Variants in ADCY5 observed in about 807,000 individuals in gnomAD.
ADCY5 encodes the protein adenylate cyclase type 5.
Under a neutral mutation model 119.7 loss-of-function variants are expected in ADCY5, and 30 were observed. That is an observed-to-expected ratio of 0.25 (90% confidence interval 0.19 to 0.34). The LOEUF is 0.34. ADCY5 is among the 10% of genes least tolerant of loss of function. ADCY5 has a pLI of 1.00. For synonymous variants in ADCY5, 753 were observed against 762.2 expected (o/e 0.99, Z 0.20); for missense variants, 1,324 against 1,775.2 (o/e 0.75, Z 4.57).
At chr3:123,328,614 G>T (rs1437191453) in intron 6 of ADCY5, 30 bp downstream of exon 6, 5 of 1,610,650 alleles carry the variant, frequency 3.1e-6, no homozygotes, top group Non-Finnish European at 4.2e-6. Context: ...CCCAGGTCGG[G>T]GCCCCAAGCC....
At chr3:123,442,860 G>A (rs1281915494) in intron 1 of ADCY5, among the ~76,000 whole-genome samples, 5 of 152,052 alleles carry the variant, frequency 3.3e-5, no homozygotes, top group Non-Finnish European at 5.9e-5. Context: ...AAATATAATC[G>A]GCAAATACAG....
chr3:123,326,807 G>A (rs1941513152), intron 7 of ADCY5, among the ~76,000 whole-genome samples: 1 of 151,698 alleles, frequency 6.6e-6, no homozygotes, highest in Non-Finnish European at 1.5e-5. Flanking sequence ...GTCCCTCTTG[G>A]CACGGGCACC....
At chr3:123,325,484 G>A (rs374376514) in intron 7 of ADCY5, 22 bp from the exon 8 acceptor site, 2 of 1,610,522 alleles carry the variant, frequency 1.2e-6, no homozygotes, top group African/African-American at 2.8e-5. Context: ...ACACAGAGAT[G>A]GGGGGAGATG....
Position 123,300,205 on chromosome 3 carries a change from T to C in ADCY5, c.2815A>G (p.Ile939Val), listed in dbSNP as rs1939763365. ...ACGATGAGCACGTAGATGAGCTCGA[T>C]GGCCAGCATGAGCACCAGCTTCCCG... ...CIGKLVLMLA[I>V]ELIYVLIVEV... Residue 939 changes from isoleucine to valine, a missense_variant, in exon 15 of 21, where the codon ATC becomes GTC. Ile to Val is a conservative substitution (Grantham distance 29, BLOSUM62 3). Transcript: ENST00000462833. 6.2e-7 allele frequency: 1 copy of C among 1,613,838 alleles called. No individual in the cohort carries two copies.
chr3:123,401,043 C>A (rs1944735900), intron 1 of ADCY5, among the ~76,000 whole-genome samples: 1 of 38,516 alleles, frequency 2.6e-5, no homozygotes, highest in African/African-American at 7.6e-5. Context: ...ACACTGCACT[C>A]CTGTGGGGAC....
At chr3:123,382,216 T>C (rs1944056059) in intron 1 of ADCY5, among the ~76,000 whole-genome samples, 1 of 152,190 alleles carries the variant, frequency 6.6e-6, no homozygotes, top group African/African-American at 2.4e-5. Context: ...AAAAGTCCTC[T>C]AACATCATCT....
At chr3:123,355,389 C>T (rs543928357) in intron 1 of ADCY5, among the ~76,000 whole-genome samples, 4 of 152,280 alleles carry the variant, frequency 2.6e-5, no homozygotes, top group African/African-American at 9.6e-5. Context: ...GTTCAACCAA[C>T]CTTGGATCAA....
chr3:123,285,849 C>T (rs1289018022), intron 20 of ADCY5, among the ~76,000 whole-genome samples: 1 of 152,270 alleles, frequency 6.6e-6, no homozygotes, highest in African/African-American at 2.4e-5. Flanking sequence ...CCAGCATCCA[C>T]ACCTCAGCCA....
chr3:123,396,271 GAA>G (rs1219134200), intron 1 of ADCY5, among the ~76,000 whole-genome samples: 3 of 143,414 alleles, frequency 2.1e-5, no homozygotes, highest in African/African-American at 7.7e-5. Context: ...AGGAAGGAGA[GAA>G]AGAGAGAGAG....
intron 12 of ADCY5, among the ~76,000 whole-genome samples, chr3:123,309,498 T>C (rs1940424969): frequency 6.6e-6 from 1 of 152,148 alleles, no homozygotes; most frequent in Non-Finnish European, 1.5e-5. Context: ...AACCACTTCC[T>C]AACTCCAGGA....
At chr3:123,384,926 T>C (rs1217806402) in intron 1 of ADCY5, among the ~76,000 whole-genome samples, 2 of 152,198 alleles carry the variant, frequency 1.3e-5, no homozygotes, top group East Asian at 3.9e-4. Context: ...GGACCAGCCC[T>C]TCAGTCTCCT....
At chr3:123,391,749 C>G (rs1944406469) in intron 1 of ADCY5, among the ~76,000 whole-genome samples, 1 of 152,226 alleles carries the variant, frequency 6.6e-6, no homozygotes. Flanking sequence ...GTCTAACCTC[C>G]ACTTGCACAA....
chr3:123,422,110 C>T (rs1430686398), intron 1 of ADCY5, among the ~76,000 whole-genome samples: 1 of 152,226 alleles, frequency 6.6e-6, no homozygotes, highest in African/African-American at 2.4e-5. Flanking sequence ...TGTGCAGGCA[C>T]TGGGACTGTC....
chr3:123,407,326 G>A (rs1315537286), intron 1 of ADCY5, among the ~76,000 whole-genome samples: 3 of 152,130 alleles, frequency 2.0e-5, no homozygotes, highest in Non-Finnish European at 4.4e-5. Flanking sequence ...GTAGCACTTG[G>A]ATTTCTCTGG....
chr3:123,315,381 G>C (rs1459852718), intron 11 of ADCY5, among the ~76,000 whole-genome samples: 1 of 152,172 alleles, frequency 6.6e-6, no homozygotes, highest in Non-Finnish European at 1.5e-5. Context: ...GAGAGGAGGT[G>C]GCTAGAGAAT....
intron 1 of ADCY5, among the ~76,000 whole-genome samples, chr3:123,419,447 A>G (rs1364441050): frequency 6.6e-6 from 1 of 152,036 alleles, no homozygotes; most frequent in Non-Finnish European, 1.5e-5. Context: ...CCACGTTGCC[A>G]GACTTGCATC....
chr3:123,373,772 GAC>G lies in ADCY5; in HGVS notation c.1135-21193_1135-21192del, dbSNP rs1356581430. On this transcript the variant is annotated intron_variant, in intron 1 of 20. Transcript: ENST00000462833. Reference sequence around the variant, plus strand: ...AGAAGCATCACGCCCCCCCCCCCCCGACCCCCCCGCAGGTAGCAGAGGATCAG... The same window carrying G: ...AGAAGCATCACGCCCCCCCCCCCCCGCCCCCCGCAGGTAGCAGAGGATCAG... Among the ~76,000 whole-genome samples the G allele has an allele frequency of 2.3e-4, 11 of 48,378 alleles. No individual in the cohort carries two copies. In the East Asian group the frequency reaches 3.2e-3, roughly 14 times the overall value. 31.7% of individuals were successfully genotyped at this position (48,378 alleles called of 152,430 possible). A position where few individuals can be genotyped will look rare whatever the true frequency, so the allele number is the denominator to read the frequency against.
intron 3 of ADCY5, among the ~76,000 whole-genome samples, chr3:123,342,804 C>T (rs1382891200): frequency 6.6e-6 from 1 of 152,212 alleles, no homozygotes; most frequent in East Asian, 1.9e-4. Flanking sequence ...GAGAATCCTT[C>T]AGAGCCCTCT....
intron 2 of ADCY5, among the ~76,000 whole-genome samples, chr3:123,350,491 T>G (rs1350257625): frequency 1.1e-4 from 16 of 152,140 alleles, no homozygotes; most frequent in Admixed American, 1.0e-3. Flanking sequence ...CTACAAACCG[T>G]TTGGCTTCAT....
Sources: allele counts gnomAD v4.1 joint callset (sites outside exome capture counted in the v4.1 genomes callset), GRCh38; gene constraint gnomAD v4.1.1; transcripts MANE v1.5; gene names NCBI Gene and HGNC (gene_info 2026-07-23, HGNC 2026-07-21).